Variants in RASGRF2 observed in about 807,000 individuals in gnomAD.
The protein encoded by RASGRF2 is ras-specific guanine nucleotide-releasing factor 2.
RASGRF2 carries 76 observed loss-of-function variants against 151.0 expected under a neutral mutation model. The ratio of observed to expected loss-of-function variants is 0.50; its 90% CI spans 0.42 to 0.61. The LOEUF is 0.61. Ranked by LOEUF, RASGRF2 falls within the 20% of genes least tolerant of loss-of-function variation. The probability of loss-of-function intolerance (pLI) is 0.00; values close to 1 mark genes in which losing one functional copy is unlikely to be tolerated. For synonymous variants in RASGRF2, 504 were observed against 566.5 expected, an observed-to-expected ratio of 0.89 and a Z score of 1.57; for missense variants, 1,148 against 1,564.6, an observed-to-expected ratio of 0.73 and a Z score of 4.49.
chr5:81,218,068 G>GAAA (rs1465785796), intron 25 of RASGRF2, among the ~76,000 whole-genome samples: 1 of 152,102 alleles, frequency 6.6e-6, no homozygotes, highest in African/African-American at 2.4e-5. Flanking sequence ...ATCTTTAGTA[G>GAAA]AAAGGGGGTT....
intron 4 of RASGRF2, among the ~76,000 whole-genome samples, chr5:81,071,756 T>C (rs1204397912): frequency 6.6e-6 from 1 of 152,158 alleles, no homozygotes; most frequent in East Asian, 1.9e-4. Context: ...TTCTATTGCC[T>C]TTCCTTTAAT....
rs252593 is a variant in RASGRF2, at chr5:81,031,239, A to C, written c.289-11638A>C. On this transcript the variant is annotated intron_variant, in intron 1 of 26. Transcript: ENST00000265080. ...CCCCAATGTCAACATTAAACAGATC[A>C]ACGAGACAGAAAGTTAACAAGGATA... Among the ~76,000 whole-genome samples the C allele has an allele frequency of 2.0e-5, 3 of 152,184 alleles. No individual in the cohort carries two copies. In the East Asian group the frequency reaches 5.8e-4, roughly 29 times the overall value.
intron 17 of RASGRF2, among the ~76,000 whole-genome samples, chr5:81,177,583 C>G (rs1007830702): frequency 6.6e-6 from 1 of 150,828 alleles, no homozygotes; most frequent in Admixed American, 6.6e-5. Flanking sequence ...ATGTGCCAGA[C>G]AGGTGCTTGT....
At chr5:81,031,180 G>C (rs1750231592) in intron 1 of RASGRF2, among the ~76,000 whole-genome samples, 1 of 152,148 alleles carries the variant, frequency 6.6e-6, no homozygotes, top group South Asian at 2.1e-4. Context: ...AAGAGACTTA[G>C]ACTCCCACAC....
chr5:81,185,034 T>C (rs61085512), intron 18 of RASGRF2, among the ~76,000 whole-genome samples: 29,271 of 152,228 alleles, frequency 0.19, 2,903 homozygotes, highest in Middle Eastern at 0.27. Flanking sequence ...AGCAACAGCC[T>C]GCATGGCCTT....
rs7703538 is a variant in RASGRF2, at chr5:81,090,715, T to G, written c.1391-2086T>G. On this transcript the variant is annotated intron_variant, in intron 9 of 26. Coordinates refer to ENST00000265080, the MANE Select transcript of RASGRF2 (RefSeq NM_006909.3). The stretch of plus-strand genomic sequence containing the variant: ...TTGCCAAGGAAACATTTATTTTTTT[T>G]GTCTCACAGCTGAAATTCACAGTAA... Among the ~76,000 whole-genome samples, 1,083 of 152,310 alleles carry G rather than the reference T, an allele frequency of 7.1e-3. 15 individuals are homozygous for G. The highest frequency in any genetic ancestry group is 0.025 in the African/African-American group (1,045 of 41,572).
rs1463145212 is a variant in RASGRF2 at position 80,973,393 on chromosome 5, G to A, written c.288+12367G>A. Among the ~76,000 whole-genome samples the A allele has an allele frequency of 3.3e-5, 5 of 152,172 alleles. No individual in the cohort carries two copies. In the East Asian group the frequency reaches 7.7e-4, roughly 23 times the overall value. ...GTCTTCCCTCCTCGGGTGCTGGGTT[G>A]TTGCTCTTCCTGCGCCTCCACGTAT... On this transcript the variant is annotated intron_variant, in intron 1 of 26. Coordinates refer to ENST00000265080, the MANE Select transcript of RASGRF2 (RefSeq NM_006909.3).
At position 81,228,780 on chromosome 5, in the gene RASGRF2, C is replaced by T. The variant is rs972044021; in HGVS notation, c.*3010C>T. 2 of 152,170 alleles carry T rather than the reference C, an allele frequency of 1.3e-5. No homozygotes were observed. The highest frequency in any genetic ancestry group is 1.9e-4 in the East Asian group (1 of 5,200). The allele number at this position is 152,170 out of a possible 1,614,324, so 9.4% of individuals were successfully genotyped here. ...CAGATTCAGGCATGAAGTAAAACGT[C>T]GTCACTTTTCCTTAGTGCTTTTCTG... On this transcript the variant is annotated 3_prime_UTR_variant, in exon 27 of 27. Coordinates refer to ENST00000265080, the MANE Select transcript of RASGRF2 (RefSeq NM_006909.3).
chr5:81,149,943 G>A (rs142054108), intron 17 of RASGRF2, among the ~76,000 whole-genome samples: 56 of 152,258 alleles, frequency 3.7e-4, no homozygotes, highest in Middle Eastern at 3.4e-3. Flanking sequence ...TGGGGTGGGC[G>A]GAGGATACAG....
At chr5:81,130,668 G>A (rs1353056418) in intron 17 of RASGRF2, among the ~76,000 whole-genome samples, 2 of 152,154 alleles carry the variant, frequency 1.3e-5, no homozygotes, top group African/African-American at 4.8e-5. Flanking sequence ...GAGAGTGCTG[G>A]ATAAGAGTCA....
intron 1 of RASGRF2, among the ~76,000 whole-genome samples, chr5:81,010,074 T>C (rs920406387): frequency 6.6e-6 from 1 of 151,640 alleles, no homozygotes; most frequent in Non-Finnish European, 1.5e-5. Context: ...GAGAATTGCT[T>C]GAATCCTGGA....
intron 2 of RASGRF2, among the ~76,000 whole-genome samples, chr5:81,059,316 G>A (rs112376438): frequency 0.012 from 1,890 of 151,228 alleles, 32 homozygotes; most frequent in African/African-American, 0.042. Context: ...CCCGGGAGGC[G>A]GAGGTTGCAG....
intron 1 of RASGRF2, among the ~76,000 whole-genome samples, chr5:80,969,071 T>A (rs1747816831): frequency 6.6e-6 from 1 of 151,354 alleles, no homozygotes; most frequent in Admixed American, 6.6e-5. Context: ...TTGGTGATCC[T>A]CTTACTGAGA....
chr5:81,122,609 C>T (rs979435485), intron 15 of RASGRF2, among the ~76,000 whole-genome samples: 1 of 152,096 alleles, frequency 6.6e-6, no homozygotes, highest in Non-Finnish European at 1.5e-5. Context: ...AATGGAATGG[C>T]AAAGCAAAGT....
At position 81,176,078 on chromosome 5, in the gene RASGRF2, A is replaced by G. The variant is rs116332922; in HGVS notation, c.2687-4097A>G. ...GTGAAGCTGATCGTGCATTCTTGCT[A>G]TGACATAGACATCGAGGTCCATGCC... On this transcript the variant is annotated intron_variant, in intron 17 of 26. Coordinates refer to ENST00000265080, the MANE Select transcript of RASGRF2 (RefSeq NM_006909.3). 2.6e-3 allele frequency among the ~76,000 whole-genome samples: 403 copies of G among 152,282 alleles called. 3 individuals are homozygous for G. The highest frequency in any genetic ancestry group is 9.3e-3 in the African/African-American group (385 of 41,552).
At chr5:81,089,959 C>T (rs758784810) in intron 9 of RASGRF2, among the ~76,000 whole-genome samples, 18 of 152,178 alleles carry the variant, frequency 1.2e-4, no homozygotes, top group Non-Finnish European at 2.4e-4. Flanking sequence ...GATAAAGGCA[C>T]TCTAAGCTGA....
chr5:81,006,694 C>T (rs922049364), intron 1 of RASGRF2, among the ~76,000 whole-genome samples: 11 of 151,946 alleles, frequency 7.2e-5, no homozygotes, highest in African/African-American at 2.4e-4. Context: ...CTCGGATCCC[C>T]CTTTCCCCAC....
At chr5:81,159,705 A>G (rs1156482710) in intron 17 of RASGRF2, among the ~76,000 whole-genome samples, 1 of 152,226 alleles carries the variant, frequency 6.6e-6, no homozygotes. Context: ...ATTACATGGC[A>G]TGTAAATTAC....
At chr5:81,039,010 A>G (rs1304139431) in intron 1 of RASGRF2, among the ~76,000 whole-genome samples, 1 of 152,198 alleles carries the variant, frequency 6.6e-6, no homozygotes, top group Non-Finnish European at 1.5e-5. Flanking sequence ...CAACATTTTC[A>G]ATCTTTTTTT....
Sources: gnomAD v4.1 joint callset for allele counts (sites outside exome capture counted in the v4.1 genomes callset) on GRCh38, gnomAD v4.1.1 for gene constraint, MANE v1.5 for transcripts, NCBI Gene and HGNC (gene_info 2026-07-23, HGNC 2026-07-21) for gene names.